The following MED26 variants were observed in gnomAD, a reference collection of about 807,000 sequenced individuals.
MED26 encodes mediator complex subunit 26.
Under a neutral mutation model 43.7 loss-of-function variants are expected in MED26, and 7 were observed. That is an observed-to-expected ratio of 0.16 (90% confidence interval 0.09 to 0.30). The LOEUF (loss-of-function observed/expected upper bound fraction) is 0.30, where lower values mean the gene tolerates loss of function less well. Among genes scored for constraint, MED26 ranks in the 10% least tolerant of loss-of-function variants. The pLI is 1.00. For synonymous variants in MED26, 375 were observed against 371.1 expected (o/e 1.01, Z -0.12); for missense variants, 784 against 840.6 (o/e 0.93, Z 0.83).
At chr19:16,596,169 C>T (rs894391085) in intron 1 of MED26, among the ~76,000 whole-genome samples, 5 of 152,178 alleles carry the variant, frequency 3.3e-5, no homozygotes, top group African/African-American at 1.2e-4. Context: ...AGCCACTGTG[C>T]CCAGCCATGC....
intron 1 of MED26, among the ~76,000 whole-genome samples, chr19:16,604,520 C>T (rs2086163725): frequency 6.6e-6 from 1 of 152,212 alleles, no homozygotes; most frequent in Non-Finnish European, 1.5e-5. Context: ...AGTGCAGGGC[C>T]ATGCCTGGAT....
At chr19:16,578,245 G>A in intron 2 of MED26, 90 bp downstream of exon 2, 1 of 1,209,506 alleles carries the variant, frequency 8.3e-7, no homozygotes, top group Non-Finnish European at 1.2e-6. Flanking sequence ...CAAAGACACT[G>A]ATGCTCCCAG....
At chr19:16,608,597 G>A (rs563317403) in intron 1 of MED26, among the ~76,000 whole-genome samples, 36 of 152,296 alleles carry the variant, frequency 2.4e-4, no homozygotes, top group African/African-American at 8.7e-4. Flanking sequence ...AACACTGTCT[G>A]TTTTTGTAAA....
intron 1 of MED26, among the ~76,000 whole-genome samples, chr19:16,623,020 A>C (rs1266811147): frequency 1.3e-5 from 2 of 152,146 alleles, no homozygotes; most frequent in Non-Finnish European, 2.9e-5. Flanking sequence ...GCCTTTTTAC[A>C]TCTGTATCCA....
intron 1 of MED26, among the ~76,000 whole-genome samples, chr19:16,599,831 G>A (rs1017528456): frequency 6.6e-6 from 1 of 152,204 alleles, no homozygotes; most frequent in Non-Finnish European, 1.5e-5. Context: ...CACCTGTACA[G>A]GGGACTGTGC....
chr19:16,591,455 T>C (rs940564916), intron 1 of MED26, among the ~76,000 whole-genome samples: 28 of 152,350 alleles, frequency 1.8e-4, no homozygotes, highest in African/African-American at 6.3e-4. Context: ...TGCACTGCAC[T>C]GATTAGGCAT....
chr19:16,580,074 ACT>A (rs2086037095), intron 1 of MED26, among the ~76,000 whole-genome samples: 1 of 151,976 alleles, frequency 6.6e-6, no homozygotes, highest in South Asian at 2.1e-4. Context: ...GACAGACCTG[ACT>A]CTGAGCTAGT....
intron 1 of MED26, among the ~76,000 whole-genome samples, chr19:16,623,906 T>C (rs2086262192): frequency 1.3e-5 from 2 of 152,048 alleles, no homozygotes; most frequent in Non-Finnish European, 1.5e-5. Flanking sequence ...TGCTTGCCCC[T>C]GGAGACACCC....
rs563444310 is a variant in MED26 at position 16,586,719 on chromosome 19, C to T, written c.73-8310G>A. On this transcript the variant is annotated intron_variant, in intron 1 of 2. Coordinates refer to ENST00000263390, the MANE Select transcript of MED26 (RefSeq NM_004831.5). This position sits in a 1 kb window ranked among gnomAD's most constrained non-coding sequence, Gnocchi z 5.1. ...ACTGCAGTTCTGCACTCCCCCACCT[C>T]GGTGTCCGGCCAGCCTTCCTGACCA... Among the ~76,000 whole-genome samples the T allele has an allele frequency of 6.6e-5, 10 of 152,312 alleles. No homozygotes were observed. In the East Asian group the frequency reaches 1.2e-3, roughly 18 times the overall value.
At chr19:16,621,173 C>G (rs2086249996) in intron 1 of MED26, among the ~76,000 whole-genome samples, 1 of 152,236 alleles carries the variant, frequency 6.6e-6, no homozygotes, top group African/African-American at 2.4e-5. Flanking sequence ...CCTCTGACAT[C>G]AGAACCACCC....
At chr19:16,623,995 T>C (rs1198296565) in intron 1 of MED26, among the ~76,000 whole-genome samples, 1 of 152,018 alleles carries the variant, frequency 6.6e-6, no homozygotes, top group Admixed American at 6.6e-5. Context: ...CTCACAAGGC[T>C]GTTGGGGAGA....
chr19:16,580,447 C>T (rs2086039174), intron 1 of MED26, among the ~76,000 whole-genome samples: 1 of 152,014 alleles, frequency 6.6e-6, no homozygotes, highest in African/African-American at 2.4e-5. Flanking sequence ...CGGCTCACTG[C>T]AACCTCCGTC....
Position 16,575,864 on chromosome 19 carries a change from A to T in MED26, c.*163T>A. 4 of 624,270 alleles carry T rather than the reference A, an allele frequency of 6.4e-6. No homozygotes were observed. The South Asian group carries it at 7.9e-5, about 12-fold the overall frequency. The allele number at this position is 624,270 out of a possible 1,614,324, so 38.7% of individuals were successfully genotyped here. A position where few individuals can be genotyped will look rare whatever the true frequency, so the allele number is the denominator to read the frequency against. ...TTCACAAAAAGAGTTTTGAGGGAAG[A>T]GCGCAGAGAGACCGCGTGACTCCCG... On this transcript the variant is annotated 3_prime_UTR_variant, in exon 3 of 3. Transcript: ENST00000263390.
Position 16,627,980 on chromosome 19 carries a change from G to C in MED26, c.-37C>G, listed in dbSNP as rs1038136326. On this transcript the variant is annotated 5_prime_UTR_variant, in exon 1 of 3. Transcript: ENST00000263390. ...GGCGGGGGGTTGCGGCCGGGCCAGC[G>C]GGCGGGCGGGCTGAGGCGGGGGACG... 2 of 1,346,878 alleles carry C rather than the reference G, an allele frequency of 1.5e-6. No individual in the cohort carries two copies. The highest frequency in any genetic ancestry group is 2.0e-6 in the Non-Finnish European group (2 of 1,022,362). The allele number at this position is 1,346,878 out of a possible 1,614,324, so 83.4% of individuals were successfully genotyped here. A position where few individuals can be genotyped will look rare whatever the true frequency, so the allele number is the denominator to read the frequency against.
intron 1 of MED26, among the ~76,000 whole-genome samples, chr19:16,582,733 G>C (rs2086052031): frequency 6.6e-6 from 1 of 152,192 alleles, no homozygotes; most frequent in African/African-American, 2.4e-5. Context: ...GCCTCCCAGG[G>C]AGGTCAAAAA....
In MED26 at chr19:16,576,434, C is replaced by T. The variant is rs1305200829; in HGVS notation, c.1396G>A (p.Ala466Thr). ...TGTTCGAAGGGGCTCTGGAGGCTGG[C>T]CTTGGCCTCCTGCTTGTCCAGCTCT... ...RTELDKQEAK[A>T]SLQSPFEQTN... The change falls in exon 3 of 3, where the codon GCC becomes ACC. Residue 466 changes from alanine to threonine, a missense_variant. Transcript: ENST00000263390. This position sits in a 1 kb window ranked among gnomAD's most constrained non-coding sequence, Gnocchi z 6.8. The T allele has an allele frequency of 1.2e-6, 2 of 1,614,162 alleles. No homozygotes were observed. The highest frequency in any genetic ancestry group is 8.5e-7 in the Non-Finnish European group (1 of 1,180,040).
chr19:16,609,311 CAAAAAAA>C (rs777358965), intron 1 of MED26, among the ~76,000 whole-genome samples: 32 of 25,070 alleles, frequency 1.3e-3, no homozygotes, highest in African/African-American at 2.0e-3. Context: ...GACTCCGTCT[CAAAAAAA>C]AAAAAAAAAA....
rs869040520 is a variant in MED26, at chr19:16,609,941, TAAAAAAAAAAAA to T, written c.72+17919_72+17930del. On this transcript the variant is annotated intron_variant, in intron 1 of 2. Transcript: ENST00000263390. The stretch of plus-strand genomic sequence containing the variant: ...TATGTTCTTGGACACAAGCACTCTT[TAAAAAAAAAAAA>T]AAAAAAAAAAAAAGGCAATGTTATT... Among the ~76,000 whole-genome samples the T allele has an allele frequency of 2.6e-4, 22 of 84,666 alleles. 1 individual carries two copies. The highest frequency in any genetic ancestry group is 9.0e-4 in the African/African-American group (19 of 21,116). 55.5% of individuals were successfully genotyped at this position (84,666 alleles called of 152,430 possible).
chr19:16,617,410 A>G (rs992503131), intron 1 of MED26, among the ~76,000 whole-genome samples: 1 of 152,088 alleles, frequency 6.6e-6, no homozygotes, highest in Admixed American at 6.6e-5. Context: ...AGACCCTCCC[A>G]TGGCACCCCA....
Sources: allele counts gnomAD v4.1 joint callset (sites outside exome capture counted in the v4.1 genomes callset), GRCh38; gene constraint gnomAD v4.1.1; non-coding constraint Gnocchi (gnomAD v3.1); transcripts MANE v1.5; gene names NCBI Gene and HGNC (gene_info 2026-07-23, HGNC 2026-07-21).